Variants in DRD3 observed in about 807,000 individuals in gnomAD.
The protein encoded by DRD3 is D(3) dopamine receptor.
DRD3 carries 19 observed loss-of-function variants against 36.3 expected under a neutral mutation model. The observed-to-expected ratio is 0.52, with a 90% CI of 0.36 to 0.77. The LOEUF (loss-of-function observed/expected upper bound fraction) is 0.77. Among genes scored for constraint, DRD3 ranks in the 30% least tolerant of loss-of-function variants. The pLI is 0.00. For synonymous variants in DRD3, 195 were observed against 203.7 expected, an observed-to-expected ratio of 0.96 and a Z score of 0.36; for missense variants, 465 against 505.3, an observed-to-expected ratio of 0.92 and a Z score of 0.77.
chr3:114,146,801 G>A (rs777640069), intron 4 of DRD3, among the ~76,000 whole-genome samples: 10 of 152,114 alleles, frequency 6.6e-5, no homozygotes, highest in Non-Finnish European at 1.5e-4. Flanking sequence ...AGGTATTGGT[G>A]TCATGCTTAA....
At chr3:114,174,530 A>G (rs1310078318) in intron 1 of DRD3, among the ~76,000 whole-genome samples, 1 of 152,234 alleles carries the variant, frequency 6.6e-6, no homozygotes, top group Non-Finnish European at 1.5e-5. Flanking sequence ...ATCAATTCTG[A>G]GCCTGATGTT....
chr3:114,181,620 C>T (rs753836063), upstream of DRD3, among the ~76,000 whole-genome samples: 5 of 152,172 alleles, frequency 3.3e-5, no homozygotes, highest in Non-Finnish European at 5.9e-5. Flanking sequence ...AACTCCATCT[C>T]AATAGCATGG....
intron 5 of DRD3, among the ~76,000 whole-genome samples, chr3:114,133,763 T>C (rs990369362): frequency 2.4e-4 from 7 of 28,628 alleles, no homozygotes; most frequent in African/African-American, 5.3e-4. Context: ...AATCAGACTA[T>C]TGTGTCAGTC....
At position 114,128,421 on chromosome 3, in the gene DRD3, C is replaced by T. The variant is rs151139532; in HGVS notation, c.*295G>A. ...TTTCCTTCAGTGTAATGAATCATGC[C>T]TCTGATGACAATTTTGTGTGAGTCA... On this transcript the variant is annotated 3_prime_UTR_variant, in exon 7 of 7. Transcript: ENST00000383673. 7.9e-5 allele frequency among the ~76,000 whole-genome samples: 12 copies of T among 152,262 alleles called. No homozygotes were observed. The highest frequency in any genetic ancestry group is 1.6e-4 in the Non-Finnish European group (11 of 68,004).
intron 3 of DRD3, among the ~76,000 whole-genome samples, chr3:114,156,849 CTTT>C (rs2107861731): frequency 1.2e-5 from 1 of 86,672 alleles, no homozygotes; most frequent in African/African-American, 4.0e-5. Flanking sequence ...TCTTTCTTTT[CTTT>C]CTTTCTTCCT....
chr3:114,175,091 G>A (rs957050138), intron 1 of DRD3, among the ~76,000 whole-genome samples: 1 of 152,028 alleles, frequency 6.6e-6, no homozygotes, highest in African/African-American at 2.4e-5. Flanking sequence ...GGGTTTAACA[G>A]CATCCTTTAC....
At chr3:114,185,128 T>A (rs1218487305) in intron 1 of DRD3, among the ~76,000 whole-genome samples, 1 of 152,228 alleles carries the variant, frequency 6.6e-6, no homozygotes, top group East Asian at 1.9e-4. Context: ...ATTGTGCTTC[T>A]TGGATGTTTA....
rs1377172501 is a variant in DRD3 at position 114,147,597 on chromosome 3, G to A, written c.384-40C>T. The A allele has an allele frequency of 3.1e-6, 5 of 1,587,682 alleles. No homozygotes were observed. In the Admixed American group the frequency reaches 8.5e-5, roughly 27 times the overall value. ...GGAGAGGGGATAGGCATGGTGAGAT[G>A]GAATGGGGTACTTTTCTTTCTGCGT... On this transcript the variant is annotated intron_variant, in intron 3 of 6. Transcript: ENST00000383673.
chr3:114,158,695 A>C (rs2077704822), intron 3 of DRD3, among the ~76,000 whole-genome samples: 1 of 152,234 alleles, frequency 6.6e-6, no homozygotes, highest in Non-Finnish European at 1.5e-5. Flanking sequence ...AGATAATAAC[A>C]GTACCTAAGA....
At chr3:114,163,216 T>G (rs1169245516) in intron 2 of DRD3, among the ~76,000 whole-genome samples, 1 of 152,160 alleles carries the variant, frequency 6.6e-6, no homozygotes, top group Non-Finnish European at 1.5e-5. Context: ...CACTTAGCCT[T>G]CCCTGGAGCT....
chr3:114,161,518 C>A (rs555237413), intron 2 of DRD3, among the ~76,000 whole-genome samples: 1 of 152,142 alleles, frequency 6.6e-6, no homozygotes, highest in Admixed American at 6.5e-5. Context: ...TGTGCTTGGT[C>A]ATCTCCAGAC....
At position 114,162,940 on chromosome 3, in the gene DRD3, C is replaced by T. The variant is rs144062645; in HGVS notation, c.271-3073G>A. On this transcript the variant is annotated intron_variant, in intron 2 of 6. Coordinates refer to ENST00000383673, the MANE Select transcript of DRD3 (RefSeq NM_000796.6). ...AGGGTTCAAAGAATAGTGCAAGAGA[C>T]AGTGGTAAGTGCTGCCTTTGGGGTT... Among the ~76,000 whole-genome samples, 10 of 152,312 alleles carry T rather than the reference C, an allele frequency of 6.6e-5. No individual in the cohort carries two copies. The East Asian group carries it at 1.5e-3, about 23-fold the overall frequency.
intron 5 of DRD3, among the ~76,000 whole-genome samples, chr3:114,138,321 A>G (rs1217800178): frequency 6.6e-6 from 1 of 152,152 alleles, no homozygotes; most frequent in Non-Finnish European, 1.5e-5. Context: ...GCTAATAAAG[A>G]CATACCTGAG....
chr3:114,154,343 G>A lies in DRD3; in HGVS notation c.383+5412C>T, dbSNP rs60688058. ...GTGGGAGATGTGTGTGTGTGTGTGT[G>A]TGTATGTGTGTGTGTGTGCTGACAA... On this transcript the variant is annotated intron_variant, in intron 3 of 6. Transcript: ENST00000383673. Among the ~76,000 whole-genome samples, 554 of 151,694 alleles carry A rather than the reference G, an allele frequency of 3.7e-3. 6 individuals are homozygous for A. Among genetic ancestry groups the A allele is most frequent in the African/African-American group, 0.013 (529 of 41,098 alleles).
At chr3:114,195,607 G>A (rs1056139980) in intron 1 of DRD3, among the ~76,000 whole-genome samples, 3 of 152,050 alleles carry the variant, frequency 2.0e-5, no homozygotes, top group African/African-American at 4.8e-5. Context: ...ACTTTTAAAC[G>A]TTATTGGCCT....
intron 1 of DRD3, among the ~76,000 whole-genome samples, chr3:114,192,504 C>T (rs953796669): frequency 7.9e-5 from 12 of 152,196 alleles, no homozygotes; most frequent in Admixed American, 7.9e-4. Flanking sequence ...CATTTTGATA[C>T]ATTTTTTCTC....
intron 1 of DRD3, among the ~76,000 whole-genome samples, chr3:114,197,916 A>T (rs1468668336): frequency 1.3e-5 from 2 of 152,156 alleles, no homozygotes; most frequent in African/African-American, 4.8e-5. Flanking sequence ...TTGTCAGGCT[A>T]TTCTCGTTCC....
At chr3:114,172,053 A>G in intron 1 of DRD3, 26 bp from the exon 2 acceptor site, 5 of 1,360,690 alleles carry the variant, frequency 3.7e-6, no homozygotes, top group Non-Finnish European at 3.8e-6. Context: ...AAACAATATT[A>G]ATAAAATCAG....
chr3:114,131,133 C>A lies in DRD3; in HGVS notation c.991G>T (p.Val331Leu). 1 of 1,613,890 alleles carries A rather than the reference C, an allele frequency of 6.2e-7. No individual in the cohort carries two copies. Among genetic ancestry groups the A allele is most frequent in the Non-Finnish European group, 8.5e-7 (1 of 1,179,756 alleles). ...PLREKKATQM[V>L]AIVLGAFIVC... is the part of the protein sequence containing the mutation. ...CCAAACTTACCAAGCACAATGGCCA[C>A]CATTTGGGTTGCCTTCTTCTCCCGA... Residue 331 changes from valine (V) to leucine (L), a missense_variant, in exon 6 of 7, where the codon GTG (valine) becomes TTG (leucine). By Grantham distance (32) the Val-to-Leu change is conservative (BLOSUM62 1). Transcript: ENST00000383673.
Sources: gnomAD v4.1 joint callset for allele counts (sites outside exome capture counted in the v4.1 genomes callset) on GRCh38, gnomAD v4.1.1 for gene constraint, MANE v1.5 for transcripts, NCBI Gene and HGNC (gene_info 2026-07-23, HGNC 2026-07-21) for gene names.